The following SCN8A variants were observed in gnomAD, a reference collection of about 807,000 sequenced individuals.
SCN8A encodes sodium channel protein type 8 subunit alpha.
Under a neutral mutation model 184.1 loss-of-function variants are expected in SCN8A, and 30 were observed. The ratio of observed to expected loss-of-function variants is 0.16; its 90% CI spans 0.12 to 0.22. SCN8A has a LOEUF of 0.22. Ranked by LOEUF, SCN8A falls within the 10% of genes least tolerant of loss-of-function variation. The pLI is 1.00. For synonymous variants in SCN8A, 852 were observed against 907.0 expected, an observed-to-expected ratio of 0.94 and a Z score of 1.09; for missense variants, 1,057 against 2,498.9, an observed-to-expected ratio of 0.42 and a Z score of 12.30.
intron 1 of SCN8A, among the ~76,000 whole-genome samples, chr12:51,626,929 C>T (rs60116496): frequency 0.029 from 4,472 of 151,796 alleles, 238 homozygotes; most frequent in African/African-American, 0.1. Flanking sequence ...TAAGCAAAAG[C>T]ATGTGATTGA....
At chr12:51,751,326 G>A (rs1423258564) in intron 13 of SCN8A, 29 bp from the exon 14 acceptor site, 1 of 1,474,436 alleles carries the variant, frequency 6.8e-7, no homozygotes, top group Admixed American at 1.7e-5. Flanking sequence ...CTGTGATTGA[G>A]GGGCCATCTT....
At chr12:51,606,007 G>A (rs1939583705) in intron 1 of SCN8A, among the ~76,000 whole-genome samples, 1 of 152,012 alleles carries the variant, frequency 6.6e-6, no homozygotes, top group Admixed American at 6.6e-5. Flanking sequence ...TCCTTTTTCA[G>A]ATATATAGAT....
chr12:51,715,562 G>T (rs1331678823), intron 11 of SCN8A, among the ~76,000 whole-genome samples: 1 of 148,686 alleles, frequency 6.7e-6, no homozygotes, highest in Non-Finnish European at 1.5e-5. Context: ...TGAGGCTGAG[G>T]CAGGAGAATA....
At position 51,794,652 on chromosome 12, in the gene SCN8A, T is replaced by A. The variant is rs143139673; in HGVS notation, c.4795+11T>A. 1 of 1,612,568 alleles carries A rather than the reference T, an allele frequency of 6.2e-7. No homozygotes were observed. The highest frequency in any genetic ancestry group is 1.7e-5 in the Admixed American group (1 of 59,956). ...TCCTCTCCATTGTGGGTGAGTGGGG[T>A]TGGGGAAGTAGGCGAGGGGAAAGGG... is the stretch of plus-strand genomic sequence containing the variant. On this transcript the variant is annotated intron_variant, in intron 26 of 26. Transcript: ENST00000627620.
At chr12:51,715,703 T>C (rs1438426892) in intron 11 of SCN8A, among the ~76,000 whole-genome samples, 1 of 150,494 alleles carries the variant, frequency 6.6e-6, no homozygotes, top group Non-Finnish European at 1.5e-5. Context: ...TTAAATTTTA[T>C]TGTAAAATGC....
intron 1 of SCN8A, among the ~76,000 whole-genome samples, chr12:51,612,481 C>G (rs1219524957): frequency 6.6e-6 from 1 of 152,148 alleles, no homozygotes; most frequent in Non-Finnish European, 1.5e-5. Flanking sequence ...TTAGTACATT[C>G]ATTTTATCAG....
At chr12:51,719,873 G>A (rs899343638) in intron 11 of SCN8A, among the ~76,000 whole-genome samples, 7 of 151,474 alleles carry the variant, frequency 4.6e-5, no homozygotes, top group African/African-American at 1.5e-4. Flanking sequence ...TCAGGAGATC[G>A]AGACCATCCT....
chr12:51,638,510 C>T (rs1460315534), intron 1 of SCN8A, among the ~76,000 whole-genome samples: 4 of 143,910 alleles, frequency 2.8e-5, no homozygotes, highest in East Asian at 2.0e-4. Flanking sequence ...TTTTTTGAGA[C>T]GGAGTCTCGC....
intron 11 of SCN8A, among the ~76,000 whole-genome samples, chr12:51,720,886 C>T (rs1274127593): frequency 6.6e-6 from 1 of 151,092 alleles, no homozygotes; most frequent in Non-Finnish European, 1.5e-5. Context: ...GCCAACATGG[C>T]GAAACCCTGT....
chr12:51,737,177 A>G (rs959463076), intron 12 of SCN8A, among the ~76,000 whole-genome samples: 2 of 152,340 alleles, frequency 1.3e-5, no homozygotes, highest in Admixed American at 6.5e-5. Flanking sequence ...ATATCCATGT[A>G]ATTTAACAAT....
chr12:51,706,499 C>T lies in SCN8A; in HGVS notation c.1419C>T (p.Ser473=), dbSNP rs747607755. Residue 473 remains serine, a synonymous_variant, in exon 11 of 27, where the codon TCC becomes TCT. Coordinates refer to ENST00000627620, the MANE Select transcript of SCN8A (RefSeq NM_001330260.2). ...IEEEGEEGGG[S]PRSSSEISKL... ...AAGAAGGTGAAGAAGGAGGGGGCTCCCCTCGGAGCTCTTCTGAAATCTCTA... is the reference window on the plus strand; with the variant it reads ...AAGAAGGTGAAGAAGGAGGGGGCTCTCCTCGGAGCTCTTCTGAAATCTCTA... The T allele has an allele frequency of 1.3e-5, 21 of 1,605,090 alleles. No homozygotes were observed. Among genetic ancestry groups the T allele is most frequent in the Admixed American group, 1.7e-5 (1 of 58,700 alleles).
At chr12:51,686,310 T>C (rs1321692728) in intron 3 of SCN8A, 58 bp from the exon 4 acceptor site, 10 of 1,069,244 alleles carry the variant, frequency 9.4e-6, no homozygotes, top group Non-Finnish European at 1.4e-5. Context: ...ATGTGTTTGT[T>C]TTTTGAGAAA....
In SCN8A at chr12:51,806,226, A is replaced by G. The variant is rs1938698558; in HGVS notation, c.4796-56A>G. ...TCCACAATGCCAGGTAAAAAAAATA[A>G]AGAGAAAGGGTGTCTCCCATCTCAA... On this transcript the variant is annotated intron_variant, in intron 26 of 26. Transcript: ENST00000627620. The surrounding 1 kb of genome is among the most constrained non-coding windows in gnomAD (Gnocchi z 8.7). The G allele has an allele frequency of 6.9e-7, 1 of 1,456,440 alleles. No individual in the cohort carries two copies. Among genetic ancestry groups the G allele is most frequent in the African/African-American group, 1.4e-5 (1 of 70,864 alleles). 90.2% of individuals were successfully genotyped at this position (1,456,440 alleles called of 1,614,324 possible).
intron 7 of SCN8A, among the ~76,000 whole-genome samples, chr12:51,700,123 G>A (rs1050574195): frequency 4.0e-5 from 6 of 149,314 alleles, no homozygotes; most frequent in Non-Finnish European, 5.9e-5. Context: ...CCAAGATCAC[G>A]CCATTGTACT....
rs1275907198 is a variant in SCN8A, at chr12:51,794,398, T to C, written c.4552T>C (p.Phe1518Leu). ...CAAAATCCAAGGAATCGTCTTTGAT[T>C]TTGTCACTCAGCAAGCCTTTGACAT... ...LNKIQGIVFDFVTQQAFDIVI... is the reference protein window; with the variant it reads ...LNKIQGIVFDLVTQQAFDIVI... The change falls in exon 26 of 27, where the codon TTT (phenylalanine) becomes CTT (leucine). Residue 1518 changes from phenylalanine (F) to leucine (L), a missense_variant. Phe to Leu is a conservative substitution (Grantham distance 22). Coordinates refer to ENST00000627620, the MANE Select transcript of SCN8A (RefSeq NM_001330260.2). 1 of 1,611,986 alleles carries C rather than the reference T, an allele frequency of 6.2e-7. No homozygotes were observed. The highest frequency in any genetic ancestry group is 8.5e-7 in the Non-Finnish European group (1 of 1,178,376).
At chr12:51,619,744 A>G (rs1939920359) in intron 1 of SCN8A, among the ~76,000 whole-genome samples, 3 of 152,252 alleles carry the variant, frequency 2.0e-5, no homozygotes, top group African/African-American at 7.2e-5. Flanking sequence ...TGTGAAAAGA[A>G]TATCATAAAA....
chr12:51,754,460 T>C (rs1465473144), intron 14 of SCN8A, among the ~76,000 whole-genome samples: 1 of 151,892 alleles, frequency 6.6e-6, no homozygotes, highest in Non-Finnish European at 1.5e-5. Flanking sequence ...GAAATTAACA[T>C]TGATACATTA....
At chr12:51,615,172 T>C (rs1010167940) in intron 1 of SCN8A, among the ~76,000 whole-genome samples, 1 of 152,178 alleles carries the variant, frequency 6.6e-6, no homozygotes, top group Admixed American at 6.5e-5. Context: ...TATATAGTTA[T>C]TTTAGTGTAG....
At chr12:51,790,006 G>A (rs1938195353) in intron 24 of SCN8A, among the ~76,000 whole-genome samples, 2 of 152,172 alleles carry the variant, frequency 1.3e-5, no homozygotes, top group South Asian at 4.1e-4. Context: ...AAATAAATTG[G>A]CTATCAGCCA....
Sources: allele counts gnomAD v4.1 joint callset (sites outside exome capture counted in the v4.1 genomes callset), GRCh38; gene constraint gnomAD v4.1.1; non-coding constraint Gnocchi (gnomAD v3.1); transcripts MANE v1.5; gene names NCBI Gene and HGNC (gene_info 2026-07-23, HGNC 2026-07-21).